Variants in GART observed in about 807,000 individuals in gnomAD.
GART encodes the protein trifunctional purine biosynthetic protein adenosine-3.
A neutral mutation model predicts 107.2 loss-of-function variants in GART; 43 were observed. That is an observed-to-expected ratio of 0.40 (90% CI 0.31 to 0.52). The LOEUF (loss-of-function observed/expected upper bound fraction) is 0.52. Ranked by LOEUF, GART falls within the 20% of genes least tolerant of loss-of-function variation. The pLI is 0.52. For synonymous variants in GART, 434 were observed against 427.0 expected (o/e 1.02, Z -0.20); for missense variants, 1,107 against 1,206.5 (o/e 0.92, Z 1.22).
intron 14 of GART, among the ~76,000 whole-genome samples, chr21:33,520,131 C>G (rs2084943653): frequency 6.6e-6 from 1 of 152,098 alleles, no homozygotes; most frequent in Non-Finnish European, 1.5e-5. Context: ...GCCTGCCTGA[C>G]AGTTTGGGAG....
Position 33,531,570 on chromosome 21 carries a change from T to C in GART, c.529-13A>G. On this transcript the variant is annotated splice_polypyrimidine_tract_variant and intron_variant, in intron 5 of 21. Transcript: ENST00000381815. ...CAAAGGCTTTCTCCTGATTGTAAGA[T>C]TTTTTTTTTTTTTTTTTTTAAAAAA... The C allele has an allele frequency of 5.4e-6, 1 of 185,304 alleles. No individual in the cohort carries two copies. Among genetic ancestry groups the C allele is most frequent in the Non-Finnish European group, 8.9e-6 (1 of 112,908 alleles). The allele number at this position is 185,304 out of a possible 1,614,324, so 11.5% of individuals were successfully genotyped here. A position where few individuals can be genotyped will look rare whatever the true frequency, so the allele number is the denominator to read the frequency against.
At chr21:33,505,438 C>T (rs970667980) in intron 20 of GART, 123 bp downstream of exon 20, 19 of 702,668 alleles carry the variant, frequency 2.7e-5, no homozygotes, top group African/African-American at 1.1e-4. Context: ...TAAAATATCA[C>T]AGTCAAACAG....
At chr21:33,531,603 T>G in intron 5 of GART, 46 bp from the exon 6 acceptor site, 5 of 1,504,412 alleles carry the variant, frequency 3.3e-6, no homozygotes, top group Non-Finnish European at 4.5e-6. Context: ...AAAAGAGGCT[T>G]GGTAAGTTTT....
chr21:33,528,050 A>G, intron 10 of GART, 117 bp downstream of exon 10: 2 of 889,954 alleles, frequency 2.2e-6, no homozygotes, highest in Admixed American at 2.1e-5. Flanking sequence ...GACCCTCTGA[A>G]AGGTTTCTGA....
At chr21:33,529,251 G>A (rs779810390) in intron 7 of GART, among the ~76,000 whole-genome samples, 6 of 151,982 alleles carry the variant, frequency 3.9e-5, no homozygotes, top group Non-Finnish European at 7.4e-5. Flanking sequence ...CCCAGTATAC[G>A]CTGCATATTT....
chr21:33,533,438 C>CAAAAAAAAAAAAA (rs5843612), intron 4 of GART, among the ~76,000 whole-genome samples: 1 of 128,668 alleles, frequency 7.8e-6, no homozygotes, highest in East Asian at 2.2e-4. Flanking sequence ...GAACGAGACT[C>CAAAAAAAAAAAAA]AAAAAAAAAA....
intron 1 of GART, among the ~76,000 whole-genome samples, chr21:33,540,993 C>G (rs1219666636): frequency 6.6e-6 from 1 of 151,244 alleles, no homozygotes; most frequent in Admixed American, 6.6e-5. Context: ...TTCAGATTCT[C>G]TCAACAAGTG....
intron 10 of GART, among the ~76,000 whole-genome samples, 167 bp downstream of exon 10, chr21:33,528,000 G>A (rs2085106210): frequency 6.6e-6 from 1 of 152,086 alleles, no homozygotes. Context: ...CAGTAATTGC[G>A]GATATTTGAA....
In GART at chr21:33,524,810, T is replaced by C. The variant is rs1386031198; in HGVS notation, c.1257A>G (p.Lys419=). Residue 419 remains lysine (K), a synonymous_variant, in exon 11 of 22, where the codon AAA becomes AAG. Coordinates refer to ENST00000381815, the MANE Select transcript of GART (RefSeq NM_000819.5). ...AIKFEGAIYR[K]DVGFRAIAFL... is the part of the protein sequence containing the mutation. Reference sequence around the variant, plus strand: ...AAGCTATGGCACGAAAGCCGACGTCTTTCCTATAAATTGCTCCCTCAAACT... The same window carrying C: ...AAGCTATGGCACGAAAGCCGACGTCCTTCCTATAAATTGCTCCCTCAAACT... 1.2e-6 allele frequency: 2 copies of C among 1,614,258 alleles called. No homozygotes were observed. Among genetic ancestry groups the C allele is most frequent in the South Asian group, 1.1e-5 (1 of 91,088 alleles).
intron 12 of GART, among the ~76,000 whole-genome samples, chr21:33,521,910 G>A (rs1362412174): frequency 1.5e-5 from 2 of 130,320 alleles, no homozygotes; most frequent in Non-Finnish European, 3.1e-5. Flanking sequence ...AGTGAGCCGA[G>A]ATGGTGCCAT....
At chr21:33,512,472 T>G (rs7278664) in intron 16 of GART, among the ~76,000 whole-genome samples, 1,767 of 152,198 alleles carry the variant, frequency 0.012, 34 homozygotes, top group African/African-American at 0.041. Flanking sequence ...AAAAAAACTA[T>G]ACTGAATTAA....
At chr21:33,513,337 C>A (rs1373064903) in intron 16 of GART, among the ~76,000 whole-genome samples, 1 of 151,968 alleles carries the variant, frequency 6.6e-6, no homozygotes, top group African/African-American at 2.4e-5. Context: ...TTTAGGAGGC[C>A]GAGGCCCGCA....
At chr21:33,531,742 T>C (rs938679115) in intron 5 of GART, 185 bp from the exon 6 acceptor site, 1 of 579,618 alleles carries the variant, frequency 1.7e-6, no homozygotes, top group Admixed American at 3.1e-5. Flanking sequence ...AATGTGGCAA[T>C]AGTGTAGCTA....
chr21:33,524,470 CGAGAGAGGAA>C lies in GART; in HGVS notation c.1298+289_1298+298del, dbSNP rs1429137246. The C allele has an allele frequency of 8.6e-6, 6 of 701,704 alleles. No individual in the cohort carries two copies. In the African/African-American group the frequency reaches 1.2e-4, roughly 14 times the overall value. 43.5% of individuals were successfully genotyped at this position (701,704 alleles called of 1,614,324 possible). On this transcript the variant is annotated intron_variant, in intron 11 of 21. Transcript: ENST00000381815. ...GGAGGCTGAGGCATGAGAACTTGGG[CGAGAGAGGAA>C]GACCCTGTTAAAAAAATTAAAAATA...
chr21:33,508,576 G>A (rs1464939711), intron 18 of GART, among the ~76,000 whole-genome samples: 1 of 140,086 alleles, frequency 7.1e-6, no homozygotes, highest in Non-Finnish European at 1.5e-5. Flanking sequence ...GGAGTACAGT[G>A]GTGCAATCTC....
chr21:33,518,412 G>T (rs1375623376), intron 14 of GART, among the ~76,000 whole-genome samples: 2 of 151,936 alleles, frequency 1.3e-5, no homozygotes, highest in Non-Finnish European at 2.9e-5. Flanking sequence ...TGGGAGGTGG[G>T]GGTTGCAGCG....
At position 33,532,432 on chromosome 21, in the gene GART, C is replaced by CA; in HGVS notation, c.440dup (p.Lys148GlufsTer43). ...TTCCAGCTGCAAGACCACTGGCCTT[C>CA]ACAACCAAAGCAGGGAAGTCTGCAC... On this transcript the variant is annotated frameshift_variant, in exon 5 of 22. Coordinates refer to ENST00000381815, the MANE Select transcript of GART (RefSeq NM_000819.5). LOFTEE classifies it high-confidence loss of function. 1 of 1,613,910 alleles carries CA rather than the reference C, an allele frequency of 6.2e-7. No individual in the cohort carries two copies. The highest frequency in any genetic ancestry group is 8.5e-7 in the Non-Finnish European group (1 of 1,179,982).
In GART at chr21:33,528,969, C is replaced by T. The variant is rs147521524; in HGVS notation, c.724-32G>A. 37 of 1,453,388 alleles carry T rather than the reference C, an allele frequency of 2.5e-5. 1 individual carries two copies. In the African/African-American group the frequency reaches 3.2e-4, roughly 13 times the overall value. The allele number at this position is 1,453,388 out of a possible 1,614,324, so 90.0% of individuals were successfully genotyped here. On this transcript the variant is annotated intron_variant, in intron 7 of 21. Coordinates refer to ENST00000381815, the MANE Select transcript of GART (RefSeq NM_000819.5). ...AACGTGCAGAAACAGTTAAATGTAA[C>T]AGGTAACTTAAAAAGTCTAAGTAGT...
intron 14 of GART, chr21:33,518,464 C>T (rs112852046): frequency 2.6e-5 from 5 of 190,590 alleles, no homozygotes; most frequent in African/African-American, 9.7e-5. Context: ...GGTCACAGAG[C>T]AAGACTCCAT....
Sources: allele counts gnomAD v4.1 joint callset (sites outside exome capture counted in the v4.1 genomes callset), GRCh38; gene constraint gnomAD v4.1.1; transcripts MANE v1.5; gene names NCBI Gene and HGNC (gene_info 2026-07-23, HGNC 2026-07-21).